The following PTPRD variants were observed in gnomAD, a reference collection of about 807,000 sequenced individuals.
The protein encoded by PTPRD is protein tyrosine phosphatase receptor type D.
A neutral mutation model predicts 214.5 loss-of-function variants in PTPRD; 34 were observed. The observed-to-expected ratio is 0.16, with a 90% CI of 0.12 to 0.21. PTPRD has a LOEUF of 0.21. Ranked by LOEUF, PTPRD falls within the 10% of genes least tolerant of loss-of-function variation. The pLI is 1.00. For missense variants in PTPRD, 2,545 were observed against 2,398.7 expected (o/e 1.06, Z -1.27); for synonymous variants, 1,128 against 845.7 (o/e 1.33, Z -5.79).
At chr9:8,335,284 C>A (rs1019505395) in intron 43 of PTPRD, among the ~76,000 whole-genome samples, 1 of 151,578 alleles carries the variant, frequency 6.6e-6, no homozygotes, top group Non-Finnish European at 1.5e-5. Context: ...CATCAAAAAG[C>A]TTATCCACCA....
intron 11 of PTPRD, among the ~76,000 whole-genome samples, chr9:8,805,853 G>C (rs898614403): frequency 1.5e-4 from 23 of 150,698 alleles, no homozygotes; most frequent in African/African-American, 5.4e-4. Flanking sequence ...AAATAAGCCG[G>C]GCATGGTGGT....
chr9:10,593,715 T>C (rs751486677), intron 2 of PTPRD, among the ~76,000 whole-genome samples: 1 of 152,000 alleles, frequency 6.6e-6, no homozygotes, highest in Non-Finnish European at 1.5e-5. Flanking sequence ...ATTTTTTATC[T>C]TGATCCAGAG....
At chr9:8,361,124 T>A (rs530705241) in intron 39 of PTPRD, among the ~76,000 whole-genome samples, 2 of 152,352 alleles carry the variant, frequency 1.3e-5, no homozygotes, top group Non-Finnish European at 2.9e-5. Flanking sequence ...ATGGTCAACA[T>A]ACGGATTTGT....
intron 5 of PTPRD, among the ~76,000 whole-genome samples, chr9:9,914,787 G>C (rs1013886118): frequency 6.6e-6 from 1 of 152,158 alleles, no homozygotes; most frequent in African/African-American, 2.4e-5. Flanking sequence ...TCAGGCCTGA[G>C]AAGTAGCCCT....
chr9:8,649,214 G>T (rs1175343628), intron 12 of PTPRD, among the ~76,000 whole-genome samples: 2 of 152,172 alleles, frequency 1.3e-5, no homozygotes, highest in Admixed American at 1.3e-4. Flanking sequence ...AACTGTACTA[G>T]CTTCACTTTA....
chr9:10,433,631 G>C (rs549407993), intron 2 of PTPRD, among the ~76,000 whole-genome samples: 2 of 151,878 alleles, frequency 1.3e-5, no homozygotes, highest in Non-Finnish European at 2.9e-5. Context: ...TGGAGGGTGT[G>C]TTTGGAAATA....
chr9:8,501,113 G>T, intron 23 of PTPRD, 54 bp from the exon 24 acceptor site: 7 of 1,166,966 alleles, frequency 6.0e-6, no homozygotes, highest in Non-Finnish European at 8.1e-6. Context: ...AGGAGTGGTT[G>T]AAAAAAAAAA....
chr9:9,918,579 T>TA (rs1339108608), intron 5 of PTPRD, among the ~76,000 whole-genome samples: 1 of 151,972 alleles, frequency 6.6e-6, no homozygotes. Flanking sequence ...AAGCACAAAA[T>TA]ACTTCAAGTA....
chr9:10,083,791 C>A (rs371325959), intron 3 of PTPRD, among the ~76,000 whole-genome samples: 3 of 151,970 alleles, frequency 2.0e-5, no homozygotes, highest in African/African-American at 7.2e-5. Context: ...AGATCCCTCA[C>A]ATGTGCAGTT....
intron 14 of PTPRD, among the ~76,000 whole-genome samples, chr9:8,574,681 GTTCTT>G (rs1418372618): frequency 1.3e-5 from 2 of 151,890 alleles, no homozygotes; most frequent in Non-Finnish European, 2.9e-5. Flanking sequence ...TTTCCTGTGG[GTTCTT>G]TTCATTTTTC....
At chr9:10,528,706 T>C (rs746906682) in intron 2 of PTPRD, among the ~76,000 whole-genome samples, 1 of 152,180 alleles carries the variant, frequency 6.6e-6, no homozygotes, top group East Asian at 1.9e-4. Context: ...CATTGGTATA[T>C]AGCTTGCTTG....
At chr9:8,942,330 G>C (rs2099039126) in intron 11 of PTPRD, among the ~76,000 whole-genome samples, 1 of 152,110 alleles carries the variant, frequency 6.6e-6, no homozygotes, top group South Asian at 2.1e-4. Context: ...AAACATGCAA[G>C]TTATCACTTT....
chr9:10,585,778 A>T (rs2132618987), intron 2 of PTPRD, among the ~76,000 whole-genome samples: 1 of 152,086 alleles, frequency 6.6e-6, no homozygotes, highest in Non-Finnish European at 1.5e-5. Context: ...GGCCCTTATT[A>T]AATACTGGAG....
At chr9:8,811,834 T>C (rs1393282766) in intron 11 of PTPRD, among the ~76,000 whole-genome samples, 1 of 152,210 alleles carries the variant, frequency 6.6e-6, no homozygotes. Flanking sequence ...TTGTTTCCTA[T>C]GCACACTCTT....
intron 8 of PTPRD, among the ~76,000 whole-genome samples, chr9:9,444,224 G>T: frequency 6.6e-6 from 1 of 152,208 alleles, no homozygotes; most frequent in African/African-American, 2.4e-5. Context: ...TGATAGGAGA[G>T]TTCTATAATA....
intron 9 of PTPRD, among the ~76,000 whole-genome samples, chr9:9,262,743 C>A (rs560336752): frequency 6.6e-6 from 1 of 151,614 alleles, no homozygotes; most frequent in African/African-American, 2.4e-5. Context: ...TTTTTAATGC[C>A]ATGTTTCTTA....
At chr9:9,456,844 C>A (rs1276030811) in intron 8 of PTPRD, among the ~76,000 whole-genome samples, 1 of 151,720 alleles carries the variant, frequency 6.6e-6, no homozygotes, top group Non-Finnish European at 1.5e-5. Flanking sequence ...AAGTTTTATT[C>A]CAGAATTGAG....
intron 10 of PTPRD, among the ~76,000 whole-genome samples, chr9:9,060,578 G>T (rs1308312780): frequency 6.6e-6 from 1 of 151,950 alleles, no homozygotes; most frequent in East Asian, 1.9e-4. Context: ...GAAAGATACA[G>T]ACTAAGAGAA....
At chr9:9,989,950 C>A (rs905926384) in intron 4 of PTPRD, among the ~76,000 whole-genome samples, 2 of 152,168 alleles carry the variant, frequency 1.3e-5, no homozygotes, top group African/African-American at 4.8e-5. Context: ...GCAAGCCACC[C>A]CTTCACAAGT....
Sources: allele counts gnomAD v4.1 joint callset (sites outside exome capture counted in the v4.1 genomes callset), GRCh38; gene constraint gnomAD v4.1.1; transcripts MANE v1.5; gene names NCBI Gene and HGNC (gene_info 2026-07-23, HGNC 2026-07-21).